The following MYRIP variants were observed in gnomAD, a reference collection of about 807,000 sequenced individuals.
The protein encoded by MYRIP is rab effector MyRIP.
MYRIP carries 49 observed loss-of-function variants against 98.0 expected under a neutral mutation model. The ratio of observed to expected loss-of-function variants is 0.50; its 90% CI spans 0.40 to 0.63. The LOEUF (loss-of-function observed/expected upper bound fraction) is 0.63. Ranked by LOEUF, MYRIP falls within the 30% of genes least tolerant of loss-of-function variation. MYRIP has a pLI of 0.00. For missense variants in MYRIP, 1,004 were observed against 1,058.2 expected (o/e 0.95, Z 0.71); for synonymous variants, 404 against 409.5 (o/e 0.99, Z 0.16).
At chr3:40,127,199 AT>A (rs1209471367) in intron 3 of MYRIP, among the ~76,000 whole-genome samples, 2 of 152,096 alleles carry the variant, frequency 1.3e-5, no homozygotes, top group East Asian at 3.8e-4. Flanking sequence ...AATAGCTACC[AT>A]TTTCTTAGTG....
chr3:40,109,050 C>T (rs993269267), intron 3 of MYRIP, among the ~76,000 whole-genome samples: 3 of 152,164 alleles, frequency 2.0e-5, no homozygotes, highest in African/African-American at 7.2e-5. Context: ...AGTCTCTTTC[C>T]CTTTTCTCAT....
In MYRIP at chr3:40,146,044, G is replaced by A. The variant is rs151178016; in HGVS notation, c.333-5004G>A. Among the ~76,000 whole-genome samples, 5 of 152,342 alleles carry A rather than the reference G, an allele frequency of 3.3e-5. No individual in the cohort carries two copies. The East Asian group carries it at 9.6e-4, about 29-fold the overall frequency. On this transcript the variant is annotated intron_variant, in intron 3 of 16. Transcript: ENST00000302541. ...TTCTTTGAGCCTATGTTCTATTCAA[G>A]AGGGGAAATAGATAAACAAATTAAT...
chr3:39,949,158 T>C (rs1030754873), intron 2 of MYRIP, among the ~76,000 whole-genome samples: 1 of 152,152 alleles, frequency 6.6e-6, no homozygotes, highest in Non-Finnish European at 1.5e-5. Context: ...CTTATGAATT[T>C]GCTTTTGGAC....
chr3:40,239,027 A>C (rs1952913358), intron 12 of MYRIP, among the ~76,000 whole-genome samples: 1 of 150,710 alleles, frequency 6.6e-6, no homozygotes, highest in African/African-American at 2.4e-5. Context: ...ATCTAGCATT[A>C]GGTATATCTC....
chr3:39,811,548 T>G (rs2125560824), intron 1 of MYRIP, among the ~76,000 whole-genome samples: 1 of 152,246 alleles, frequency 6.6e-6, no homozygotes, highest in East Asian at 1.9e-4. Flanking sequence ...CTCACGTTCC[T>G]TTGCCTGGCC....
rs199662266 is a variant in MYRIP at position 40,182,916 on chromosome 3, TAATAC to T, written c.1027+547_1027+551del. ...AAGTAAACTGAATATCTAAGCGGCT[TAATAC>T]AATCATTTTCTTTTTCATCACACAA... On this transcript the variant is annotated intron_variant, in intron 9 of 16. Coordinates refer to ENST00000302541, the MANE Select transcript of MYRIP (RefSeq NM_015460.4). Among the ~76,000 whole-genome samples the T allele has an allele frequency of 5.7e-4, 87 of 152,310 alleles. 1 individual carries two copies. In the East Asian group the frequency reaches 0.015, roughly 27 times the overall value.
intron 3 of MYRIP, among the ~76,000 whole-genome samples, chr3:40,054,378 T>A (rs1451238262): frequency 6.6e-6 from 1 of 152,196 alleles, no homozygotes; most frequent in African/African-American, 2.4e-5. Flanking sequence ...CATAGGTTTT[T>A]ATTAACATGA....
chr3:39,811,023 T>C (rs1424591740), intron 1 of MYRIP, among the ~76,000 whole-genome samples: 1 of 152,170 alleles, frequency 6.6e-6, no homozygotes, highest in Non-Finnish European at 1.5e-5. Context: ...CTGGCCAGTC[T>C]TGGGGTATGC....
At chr3:39,953,348 T>C (rs529889460) in intron 2 of MYRIP, among the ~76,000 whole-genome samples, 35 of 152,318 alleles carry the variant, frequency 2.3e-4, no homozygotes, top group African/African-American at 7.7e-4. Context: ...TTTTGATAAT[T>C]TTTTCTAGTT....
At chr3:40,248,979 T>C (rs1197829441) in intron 13 of MYRIP, among the ~76,000 whole-genome samples, 5 of 152,194 alleles carry the variant, frequency 3.3e-5, no homozygotes, top group Admixed American at 6.5e-5. Flanking sequence ...TTTCTGACCA[T>C]GACTGCCACC....
intron 4 of MYRIP, among the ~76,000 whole-genome samples, chr3:40,152,799 T>C (rs1324685687): frequency 6.6e-6 from 1 of 152,110 alleles, no homozygotes; most frequent in African/African-American, 2.4e-5. Context: ...TATATCCTCA[T>C]TATTGTACTA....
chr3:40,126,359 G>C (rs1949526382), intron 3 of MYRIP, among the ~76,000 whole-genome samples: 1 of 152,188 alleles, frequency 6.6e-6, no homozygotes, highest in Non-Finnish European at 1.5e-5. Context: ...TAGCGTTTTG[G>C]TTAAGATGAA....
intron 3 of MYRIP, among the ~76,000 whole-genome samples, chr3:40,114,407 G>A (rs1949231126): frequency 6.6e-6 from 1 of 152,168 alleles, no homozygotes; most frequent in Non-Finnish European, 1.5e-5. Context: ...TGACAAAATT[G>A]CCTAACAATA....
At chr3:40,005,236 TTG>T (rs1261139710) in intron 2 of MYRIP, among the ~76,000 whole-genome samples, 5 of 152,226 alleles carry the variant, frequency 3.3e-5, no homozygotes, top group African/African-American at 1.2e-4. Context: ...TTTCCACACT[TTG>T]TGTGTCTTGT....
intron 3 of MYRIP, among the ~76,000 whole-genome samples, chr3:40,050,750 G>A (rs1313917456): frequency 2.6e-5 from 4 of 152,136 alleles, no homozygotes; most frequent in Admixed American, 1.3e-4. Flanking sequence ...ATGTCATAAA[G>A]AGCATTTGTG....
At chr3:40,175,396 C>T (rs899376341) in intron 8 of MYRIP, among the ~76,000 whole-genome samples, 2 of 152,200 alleles carry the variant, frequency 1.3e-5, no homozygotes, top group African/African-American at 4.8e-5. Flanking sequence ...GGAAGATGAG[C>T]CACAGATACC....
In MYRIP at chr3:40,250,423, TGTG is replaced by T; in HGVS notation, c.2368-15_2368-13del. Reference sequence around the variant, plus strand: ...GGCTCTGCAAAGGTATATTGCTCATTGTGTTCTGTTTGTAGGTACAAACCATAG... The same window carrying T: ...GGCTCTGCAAAGGTATATTGCTCATTTTCTGTTTGTAGGTACAAACCATAG... On this transcript the variant is annotated splice_polypyrimidine_tract_variant and intron_variant, in intron 14 of 16. Coordinates refer to ENST00000302541, the MANE Select transcript of MYRIP (RefSeq NM_015460.4). The T allele has an allele frequency of 6.2e-7, 1 of 1,614,126 alleles. No homozygotes were observed. The highest frequency in any genetic ancestry group is 8.5e-7 in the Non-Finnish European group (1 of 1,179,996).
rs543875077 is a variant in MYRIP at position 39,884,479 on chromosome 3, C to T, written c.-30-16308C>T. 2.0e-4 allele frequency among the ~76,000 whole-genome samples: 31 copies of T among 152,200 alleles called. No homozygotes were observed. The South Asian group carries it at 4.6e-3, about 22-fold the overall frequency. ...TGGACTTTGAGTAAAGCAGATTACC[C>T]TCCACAATGTGGATGGGCCCCCATC... On this transcript the variant is annotated intron_variant, in intron 1 of 16. Coordinates refer to ENST00000302541, the MANE Select transcript of MYRIP (RefSeq NM_015460.4).
chr3:39,993,778 T>G (rs1336339379), intron 2 of MYRIP, among the ~76,000 whole-genome samples: 1 of 152,238 alleles, frequency 6.6e-6, no homozygotes, highest in African/African-American at 2.4e-5. Context: ...ATGACCACTC[T>G]GTGAGTAAAT....
Sources: gnomAD v4.1 joint callset for allele counts (sites outside exome capture counted in the v4.1 genomes callset) on GRCh38, gnomAD v4.1.1 for gene constraint, MANE v1.5 for transcripts, NCBI Gene and HGNC (gene_info 2026-07-23, HGNC 2026-07-21) for gene names.